The following CD47 variants were observed in gnomAD, a reference collection of about 807,000 sequenced individuals.
CD47 encodes the protein leukocyte surface antigen CD47.
CD47 carries 11 observed loss-of-function variants against 44.6 expected under a neutral mutation model. That is an observed-to-expected ratio of 0.25 (90% CI 0.16 to 0.41). The LOEUF is 0.41. CD47 is among the 10% of genes least tolerant of loss of function. The pLI, the probability that CD47 is intolerant of heterozygous loss-of-function variation, is 1.00. For synonymous variants in CD47, 140 were observed against 136.3 expected (o/e 1.03, Z -0.19); for missense variants, 306 against 386.7 (o/e 0.79, Z 1.75).
At chr3:108,048,417 C>T (rs1384248935) in intron 10 of CD47, among the ~76,000 whole-genome samples, 2 of 115,222 alleles carry the variant, frequency 1.7e-5, no homozygotes, top group African/African-American at 3.3e-5. Context: ...CGGAGTCTTG[C>T]TCTGTCACCC....
intron 9 of CD47, 43 bp from the exon 10 acceptor site, chr3:108,049,694 A>C (rs770386704): frequency 6.0e-5 from 87 of 1,457,936 alleles, no homozygotes; most frequent in Admixed American, 1.5e-4. Flanking sequence ...GTGAGGTTCC[A>C]CAATTGGAAA....
intron 3 of CD47, among the ~76,000 whole-genome samples, chr3:108,062,921 T>A (rs2079041127): frequency 6.6e-6 from 1 of 151,954 alleles, no homozygotes; most frequent in Non-Finnish European, 1.5e-5. Context: ...CCCAAAGTGC[T>A]GGGATTACAG....
At chr3:108,050,356 T>C (rs912694462) in intron 9 of CD47, among the ~76,000 whole-genome samples, 1 of 152,160 alleles carries the variant, frequency 6.6e-6, no homozygotes, top group Non-Finnish European at 1.5e-5. Flanking sequence ...GACCTCGTGA[T>C]CTGCCCGCCT....
chr3:108,083,927 T>C (rs1005071477), intron 1 of CD47, among the ~76,000 whole-genome samples: 1 of 150,550 alleles, frequency 6.6e-6, no homozygotes, highest in Non-Finnish European at 1.5e-5. Context: ...TTTTCTGAAA[T>C]GAATCCCATC....
At position 108,080,319 on chromosome 3, in the gene CD47, T is replaced by C. The variant is rs2079392680; in HGVS notation, c.72A>G (p.Lys24=). The C allele has an allele frequency of 6.2e-7, 1 of 1,604,436 alleles. No homozygotes were observed. The highest frequency in any genetic ancestry group is 1.3e-5 in the African/African-American group (1 of 74,644). The change falls in exon 2 of 11, where the codon AAA becomes AAG. Residue 24 remains lysine, a synonymous_variant. Coordinates refer to ENST00000361309, the MANE Select transcript of CD47 (RefSeq NM_001777.4). ...AAAACGTGAATTCTACAGATTTTGT[T>C]TTATTAAATAGTAGCTGAGCTGATC... ...CCGSAQLLFN[K]TKSVEFTFCN...
intron 2 of CD47, among the ~76,000 whole-genome samples, chr3:108,074,723 G>A: frequency 8.3e-6 from 1 of 120,782 alleles, no homozygotes; most frequent in Non-Finnish European, 1.8e-5. Context: ...GGGGGGGGGG[G>A]CACACAATGG....
intron 1 of CD47, among the ~76,000 whole-genome samples, chr3:108,089,994 G>A (rs985518905): frequency 2.8e-5 from 4 of 143,372 alleles, no homozygotes; most frequent in Admixed American, 7.0e-5. Flanking sequence ...GATTCCAAAA[G>A]CTCGGGGTGG....
At chr3:108,075,198 T>G (rs554991347) in intron 2 of CD47, among the ~76,000 whole-genome samples, 1 of 152,312 alleles carries the variant, frequency 6.6e-6, no homozygotes, top group East Asian at 1.9e-4. Context: ...CTCCAATTCC[T>G]GGACAGGCAG....
intron 2 of CD47, among the ~76,000 whole-genome samples, chr3:108,072,065 A>G (rs1268990165): frequency 6.6e-6 from 1 of 152,238 alleles, no homozygotes; most frequent in African/African-American, 2.4e-5. Flanking sequence ...GACTTCAAAT[A>G]AGATTTGTGA....
intron 8 of CD47, chr3:108,051,621 C>A: frequency 2.1e-6 from 1 of 476,882 alleles, no homozygotes; most frequent in Non-Finnish European, 4.1e-6. Flanking sequence ...ATGAATCCAA[C>A]AGGTGAGGTG....
At chr3:108,088,980 C>T (rs145873301) in intron 1 of CD47, among the ~76,000 whole-genome samples, 36 of 152,286 alleles carry the variant, frequency 2.4e-4, no homozygotes, top group African/African-American at 8.4e-4. Context: ...CAAAATCAAA[C>T]TTCAATACAA....
chr3:108,090,787 T>C, intron 1 of CD47, 76 bp downstream of exon 1: 2 of 1,328,352 alleles, frequency 1.5e-6, no homozygotes, highest in Non-Finnish European at 2.0e-6. Flanking sequence ...GCCGCCGGGC[T>C]GGCTGGGGCG....
intron 1 of CD47, among the ~76,000 whole-genome samples, chr3:108,087,393 G>T (rs1400175361): frequency 6.6e-6 from 1 of 152,118 alleles, no homozygotes; most frequent in Non-Finnish European, 1.5e-5. Flanking sequence ...GGCCAACTTA[G>T]AATTAAAAAG....
At position 108,080,121 on chromosome 3, in the gene CD47, T is replaced by C. The variant is rs752170135; in HGVS notation, c.270A>G (p.Gln90=). The C allele has an allele frequency of 1.9e-6, 3 of 1,613,068 alleles. No homozygotes were observed. The highest frequency in any genetic ancestry group is 1.1e-5 in the South Asian group (1 of 91,054). The part of the protein sequence containing the change: ...DFSSAKIEVS[Q]LLKGDASLKM... The stretch of plus-strand genomic sequence containing the variant: ...TCAAAGAGGCATCTCCTTTTAGTAA[T>C]TGTGAGACTTCAATTTTTGCACTAC... The change falls in exon 2 of 11, where the codon CAA becomes CAG. Residue 90 remains glutamine, a synonymous_variant. Transcript: ENST00000361309.
At chr3:108,047,608 C>T (rs569480286) in intron 10 of CD47, among the ~76,000 whole-genome samples, 1 of 152,294 alleles carries the variant, frequency 6.6e-6, no homozygotes, top group South Asian at 2.1e-4. Flanking sequence ...CTATAATATT[C>T]ACTTTGGATC....
At chr3:108,085,894 GA>G (rs2079512001) in intron 1 of CD47, among the ~76,000 whole-genome samples, 1 of 152,070 alleles carries the variant, frequency 6.6e-6, no homozygotes, top group African/African-American at 2.4e-5. Context: ...ACTTGATTAT[GA>G]AATCATGAAG....
intron 10 of CD47, among the ~76,000 whole-genome samples, chr3:108,048,408 G>A (rs1019685246): frequency 5.0e-5 from 6 of 119,364 alleles, no homozygotes; most frequent in South Asian, 5.8e-4. Context: ...TTCTTGAGAC[G>A]GAGTCTTGCT....
chr3:108,059,189 CA>C (rs2078969719), intron 5 of CD47, among the ~76,000 whole-genome samples: 1 of 152,076 alleles, frequency 6.6e-6, no homozygotes, highest in Non-Finnish European at 1.5e-5. Context: ...TGAAAATAAT[CA>C]TTAAGAAGTT....
Position 108,050,963 on chromosome 3 carries a change from T to C in CD47, c.910-361A>G, listed in dbSNP as rs983709012. The C allele has an allele frequency of 1.3e-5, 3 of 238,526 alleles. No individual in the cohort carries two copies. The South Asian group carries it at 1.5e-4, about 12-fold the overall frequency. The allele number at this position is 238,526 out of a possible 1,614,324, so 14.8% of individuals were successfully genotyped here. On this transcript the variant is annotated intron_variant, in intron 8 of 10. Coordinates refer to ENST00000361309, the MANE Select transcript of CD47 (RefSeq NM_001777.4). Reference sequence around the variant, plus strand: ...AAGAGGTGGAAGCAAAACAGAATCATCTTTAAGTATCGCAAATTGAACTCA... The same window carrying C: ...AAGAGGTGGAAGCAAAACAGAATCACCTTTAAGTATCGCAAATTGAACTCA...
Sources: gnomAD v4.1 joint callset for allele counts (sites outside exome capture counted in the v4.1 genomes callset) on GRCh38, gnomAD v4.1.1 for gene constraint, MANE v1.5 for transcripts, NCBI Gene and HGNC (gene_info 2026-07-23, HGNC 2026-07-21) for gene names.